Variants in SCP2 observed in about 807,000 individuals in gnomAD.
SCP2 encodes sterol carrier protein 2.
In SCP2, 48 loss-of-function variants were observed where a neutral mutation model predicts 71.4. The ratio of observed to expected loss-of-function variants is 0.67; its 90% CI spans 0.53 to 0.86. SCP2 has a LOEUF of 0.86. SCP2 is among the 40% of genes least tolerant of loss of function. The pLI, the probability that SCP2 is intolerant of heterozygous loss-of-function variation, is 0.00. For missense variants in SCP2, 560 were observed against 655.6 expected (o/e 0.85, Z 1.59); for synonymous variants, 220 against 218.1 (o/e 1.01, Z -0.08).
chr1:52,995,061 G>T, intron 11 of SCP2: 1 of 497,580 alleles, frequency 2.0e-6, no homozygotes, highest in South Asian at 1.6e-5. Context: ...GGGCCAAGCT[G>T]GTTGATTCAG....
At chr1:52,967,966 A>G (rs917513007) in intron 6 of SCP2, among the ~76,000 whole-genome samples, 2 of 152,088 alleles carry the variant, frequency 1.3e-5, no homozygotes, top group African/African-American at 2.4e-5. Flanking sequence ...GTTTGCTCAT[A>G]TAGCCTCCAG....
chr1:52,987,008 T>TATA (rs1410912982), intron 10 of SCP2, among the ~76,000 whole-genome samples: 211 of 68,176 alleles, frequency 3.1e-3, no homozygotes, highest in East Asian at 0.021. Flanking sequence ...ATATATATAT[T>TATA]TTTTTTTTTT....
rs144801245 is a variant in SCP2, at chr1:53,046,098, A to G, written c.1469-1760A>G. 9.2e-5 allele frequency among the ~76,000 whole-genome samples: 14 copies of G among 152,320 alleles called. No homozygotes were observed. In the East Asian group the frequency reaches 2.5e-3, roughly 27 times the overall value. On this transcript the variant is annotated intron_variant, in intron 14 of 15. Coordinates refer to ENST00000371514, the MANE Select transcript of SCP2 (RefSeq NM_002979.5). ...TTTTTCCAGCTTTTGGCAAGTATGA[A>G]TCTTAAAGCCACTATAAGCATTCAC...
chr1:52,970,158 C>A (rs1290398133), intron 6 of SCP2, among the ~76,000 whole-genome samples: 1 of 152,030 alleles, frequency 6.6e-6, no homozygotes, highest in Non-Finnish European at 1.5e-5. Context: ...TCCAGGTGGA[C>A]TTTTAATTTT....
intron 6 of SCP2, among the ~76,000 whole-genome samples, chr1:52,971,166 C>T (rs1195753508): frequency 1.3e-5 from 2 of 151,788 alleles, no homozygotes; most frequent in South Asian, 2.1e-4. Flanking sequence ...TTAGTAGAGA[C>T]GGGGTTTCAC....
chr1:52,978,230 G>T lies in SCP2; in HGVS notation c.688G>T (p.Gly230Cys), dbSNP rs749613062. ...TILQCCPTSD[G>C]AAAAILASEA... Reference sequence around the variant, plus strand: ...ACTTCCTCTTAGTCCCACTTCAGATGGTGCTGCAGCAGCAATTTTGGCCAG... The same window carrying T: ...ACTTCCTCTTAGTCCCACTTCAGATTGTGCTGCAGCAGCAATTTTGGCCAG... Residue 230 changes from glycine (G) to cysteine (C), a missense_variant, in exon 9 of 16, where the codon GGT (glycine) becomes TGT (cysteine). By Grantham distance (159) the Gly-to-Cys change is radical. Around this residue, in one of 3 missense-constraint regions of SCP2, gnomAD observed 513 missense variants for 573.1 expected, o/e 0.90. Coordinates refer to ENST00000371514, the MANE Select transcript of SCP2 (RefSeq NM_002979.5). 2.2e-5 allele frequency: 35 copies of T among 1,613,766 alleles called. No individual in the cohort carries two copies. The highest frequency in any genetic ancestry group is 2.8e-5 in the Non-Finnish European group (33 of 1,179,934).
intron 12 of SCP2, among the ~76,000 whole-genome samples, chr1:53,015,783 G>A (rs1661296376): frequency 6.6e-6 from 1 of 151,978 alleles, no homozygotes; most frequent in Non-Finnish European, 1.5e-5. Context: ...TTTATGTTGA[G>A]CCACCTTTAT....
chr1:52,975,340 C>G (rs1458418755), intron 7 of SCP2, among the ~76,000 whole-genome samples: 1 of 152,206 alleles, frequency 6.6e-6, no homozygotes, highest in Non-Finnish European at 1.5e-5. Flanking sequence ...GCCACAGCAC[C>G]TGGCTAATTT....
intron 11 of SCP2, among the ~76,000 whole-genome samples, chr1:53,003,812 T>G (rs1321241588): frequency 6.6e-6 from 1 of 152,090 alleles, no homozygotes; most frequent in Non-Finnish European, 1.5e-5. Context: ...CAGGCGTGAG[T>G]CACCACACCC....
intron 5 of SCP2, 76 bp downstream of exon 5, chr1:52,954,880 C>A: frequency 9.9e-7 from 1 of 1,012,958 alleles, no homozygotes; most frequent in Non-Finnish European, 1.6e-6. Flanking sequence ...TACATGTATG[C>A]ATAGATCTTG....
At chr1:52,949,183 C>A (rs1655077180) in intron 3 of SCP2, among the ~76,000 whole-genome samples, 2 of 152,068 alleles carry the variant, frequency 1.3e-5, no homozygotes, top group South Asian at 4.1e-4. Flanking sequence ...TGATTCATTT[C>A]TTTGAGATAT....
intron 14 of SCP2, among the ~76,000 whole-genome samples, chr1:53,039,264 C>T (rs181194634): frequency 2.0e-5 from 3 of 152,354 alleles, no homozygotes; most frequent in Admixed American, 2.0e-4. Flanking sequence ...TGGAATTAGG[C>T]AAACTTGGGT....
In SCP2 at chr1:53,038,958, C is replaced by T. The variant is rs2150263462; in HGVS notation, c.1380C>T (p.Ala460=). 1.2e-6 allele frequency: 2 copies of T among 1,614,066 alleles called. No individual in the cohort carries two copies. The highest frequency in any genetic ancestry group is 1.7e-6 in the Non-Finnish European group (2 of 1,180,012). Residue 460 remains alanine, a synonymous_variant, in exon 14 of 16, where the codon GCC becomes GCT. Coordinates refer to ENST00000371514, the MANE Select transcript of SCP2 (RefSeq NM_002979.5). ...TGAAGAAAATCGGTGGTATTTTTGC[C>T]TTCAAGGTGAAAGATGGCCCTGGGG... The part of the protein sequence containing the change: ...QFVKKIGGIF[A]FKVKDGPGGK...
intron 14 of SCP2, among the ~76,000 whole-genome samples, chr1:53,042,426 G>A (rs1285466283): frequency 2.0e-5 from 3 of 152,034 alleles, no homozygotes; most frequent in Non-Finnish European, 4.4e-5. Flanking sequence ...CTGATGGAAA[G>A]CTGTTGAATG....
At chr1:52,954,694 G>A (rs1655635136) in intron 4 of SCP2, 46 bp from the exon 5 acceptor site, 7 of 1,441,612 alleles carry the variant, frequency 4.9e-6, no homozygotes, top group African/African-American at 1.4e-5. Flanking sequence ...TATTTTGTTG[G>A]TGTTTGGAAA....
chr1:52,994,915 A>C, intron 11 of SCP2: 1 of 522,190 alleles, frequency 1.9e-6, no homozygotes, highest in Middle Eastern at 4.0e-4. Flanking sequence ...TCCTTGTGCT[A>C]ACCTGGTGGA....
Position 52,951,002 on chromosome 1 carries a change from C to A in SCP2, c.331+116C>A, listed in dbSNP as rs551941395. Reference sequence around the variant, plus strand: ...TGTTTTAAAAAAGTCTTCATCAGGCCGGGTGTGGTGGCTTATGCTTGTAAC... The same window carrying A: ...TGTTTTAAAAAAGTCTTCATCAGGCAGGGTGTGGTGGCTTATGCTTGTAAC... On this transcript the variant is annotated intron_variant, in intron 4 of 15. Transcript: ENST00000371514. 21 of 1,201,436 alleles carry A rather than the reference C, an allele frequency of 1.7e-5. No individual in the cohort carries two copies. In the East Asian group the frequency reaches 4.4e-4, roughly 25 times the overall value. 74.4% of individuals were successfully genotyped at this position (1,201,436 alleles called of 1,614,324 possible).
At chr1:52,984,736 C>T (rs955803918) in intron 10 of SCP2, among the ~76,000 whole-genome samples, 6 of 151,536 alleles carry the variant, frequency 4.0e-5, no homozygotes, top group African/African-American at 7.3e-5. Flanking sequence ...GGGGTTTCAC[C>T]ATGTTGGCCA....
intron 6 of SCP2, among the ~76,000 whole-genome samples, chr1:52,964,125 A>G (rs911395044): frequency 6.6e-6 from 1 of 152,002 alleles, no homozygotes; most frequent in Non-Finnish European, 1.5e-5. Flanking sequence ...TTACTTAATT[A>G]GATAATGAAT....
Sources: allele counts gnomAD v4.1 joint callset (sites outside exome capture counted in the v4.1 genomes callset), GRCh38; gene constraint gnomAD v4.1.1; regional missense constraint gnomAD v4.1.1; transcripts MANE v1.5; gene names NCBI Gene and HGNC (gene_info 2026-07-23, HGNC 2026-07-21).